AHRR: variants seen among roughly 807,000 people sequenced by gnomAD.
The protein encoded by AHRR is ahR repressor.
AHRR carries 28 observed loss-of-function variants against 44.0 expected under a neutral mutation model. The observed-to-expected ratio is 0.64, with a 90% confidence interval of 0.47 to 0.87. AHRR has a LOEUF of 0.87. AHRR is among the 40% of genes least tolerant of loss of function. The pLI is 0.00. For synonymous variants in AHRR, 434 were observed against 407.0 expected (o/e 1.07, Z -0.80); for missense variants, 990 against 953.9 (o/e 1.04, Z -0.50).
At chr5:397,679 A>ACG (rs1734795413) in intron 4 of AHRR, among the ~76,000 whole-genome samples, 1 of 119,624 alleles carries the variant, frequency 8.4e-6, no homozygotes, top group African/African-American at 3.8e-5. Context: ...CTGACCATCC[A>ACG]TGTAGCCCCT....
intron 2 of AHRR, among the ~76,000 whole-genome samples, chr5:350,947 T>C (rs1742838884): frequency 1.3e-5 from 2 of 151,422 alleles, no homozygotes; most frequent in South Asian, 4.1e-4. Flanking sequence ...GCAAAAGACT[T>C]GAATAGCCAT....
intron 5 of AHRR, among the ~76,000 whole-genome samples, chr5:422,167 T>C (rs746180620): frequency 1.3e-5 from 2 of 152,178 alleles, no homozygotes; most frequent in Non-Finnish European, 2.9e-5. Flanking sequence ...GCCCGCAGTG[T>C]CAGCCTCTGT....
intron 4 of AHRR, among the ~76,000 whole-genome samples, chr5:402,915 A>G (rs1735078056): frequency 2.0e-5 from 3 of 152,220 alleles, no homozygotes; most frequent in Non-Finnish European, 4.4e-5. Flanking sequence ...CCTGGAGGAC[A>G]TGGTGCTCAG....
At chr5:431,249 G>A (rs1026186235) in intron 8 of AHRR, among the ~76,000 whole-genome samples, 66 of 152,224 alleles carry the variant, frequency 4.3e-4, no homozygotes, top group African/African-American at 1.5e-3. Flanking sequence ...AGGTCACAGC[G>A]CTCCTCCTGC....
At chr5:376,504 T>G (rs1733654447) in intron 3 of AHRR, 106 bp from the exon 4 acceptor site, 15 of 1,190,218 alleles carry the variant, frequency 1.3e-5, no homozygotes, top group Admixed American at 2.6e-5. Flanking sequence ...AGATGTCAGG[T>G]GAGAACCGTG....
chr5:384,059 C>A (rs575347691), intron 4 of AHRR, among the ~76,000 whole-genome samples: 6 of 151,950 alleles, frequency 3.9e-5, no homozygotes, highest in South Asian at 4.2e-4. Flanking sequence ...TGTATGTTGA[C>A]CCTGTATGTA....
chr5:421,507 C>T lies in AHRR; in HGVS notation c.442-1222C>T, dbSNP rs993450556. 2.0e-5 allele frequency among the ~76,000 whole-genome samples: 3 copies of T among 152,230 alleles called. No homozygotes were observed. The East Asian group carries it at 5.8e-4, about 29-fold the overall frequency. ...GGTGTTTTCTTGAAGGTGACTCACC[C>T]AACGGTGTGTTCGTGATTGGGCGCA... On this transcript the variant is annotated intron_variant, in intron 5 of 10. Transcript: ENST00000684583.
At chr5:415,951 A>G (rs1326205195) in intron 5 of AHRR, among the ~76,000 whole-genome samples, 2 of 152,164 alleles carry the variant, frequency 1.3e-5, no homozygotes, top group Admixed American at 6.5e-5. Context: ...TCTAAGTTCA[A>G]TCTCCTGCCC....
intron 1 of AHRR, among the ~76,000 whole-genome samples, chr5:331,791 GA>G (rs1741921711): frequency 6.6e-6 from 1 of 152,032 alleles, no homozygotes; most frequent in Non-Finnish European, 1.5e-5. Flanking sequence ...CTGTGCTTAC[GA>G]AGGATCTAGG....
chr5:399,118 G>A (rs1424088561), intron 4 of AHRR, among the ~76,000 whole-genome samples: 1 of 152,212 alleles, frequency 6.6e-6, no homozygotes, highest in African/African-American at 2.4e-5. Context: ...GAGCTCCCTC[G>A]GGCTCTCCTG....
chr5:408,503 A>G (rs751815342), intron 4 of AHRR, among the ~76,000 whole-genome samples: 5 of 151,922 alleles, frequency 3.3e-5, no homozygotes, highest in Non-Finnish European at 5.9e-5. Flanking sequence ...ACTTCCTAAT[A>G]TTGAACTAGC....
At chr5:422,102 G>T (rs1323332636) in intron 5 of AHRR, among the ~76,000 whole-genome samples, 1 of 152,144 alleles carries the variant, frequency 6.6e-6, no homozygotes, top group African/African-American at 2.4e-5. Flanking sequence ...CTCAGGCGCC[G>T]ACACGCTCAC....
intron 4 of AHRR, among the ~76,000 whole-genome samples, chr5:391,369 TGCA>T (rs1734426003): frequency 9.6e-6 from 1 of 104,010 alleles, no homozygotes; most frequent in African/African-American, 5.7e-5. Flanking sequence ...GGCCAGAGCG[TGCA>T]TGGGCGCAGG....
rs1489566470 is a variant in AHRR at position 371,054 on chromosome 5, G to C, written c.245-5556G>C. ...AGAGCCGAGGTGTAGTTCAGTCCAA[G>C]CCCAGAGGCCTGAGGGCCAGGGGCG... On this transcript the variant is annotated intron_variant, in intron 3 of 10. Coordinates refer to ENST00000684583, the MANE Select transcript of AHRR (RefSeq NM_001377236.1). 2.6e-5 allele frequency among the ~76,000 whole-genome samples: 4 copies of C among 152,188 alleles called. No homozygotes were observed. The South Asian group carries it at 8.3e-4, about 32-fold the overall frequency.
At chr5:432,614 G>T (rs1004441272) in intron 9 of AHRR, 90 bp downstream of exon 9, 56 of 1,537,116 alleles carry the variant, frequency 3.6e-5, no homozygotes, top group South Asian at 2.8e-4. Flanking sequence ...GGAGATGTTG[G>T]CGTATTCCAT....
intron 8 of AHRR, chr5:432,056 CAT>C (rs199606064): frequency 0.014 from 3,295 of 239,390 alleles, 31 homozygotes; most frequent in Admixed American, 0.026. Context: ...GGTACACACA[CAT>C]GTCCCGTGTG....
intron 4 of AHRR, among the ~76,000 whole-genome samples, chr5:390,742 C>T (rs1734380809): frequency 6.6e-6 from 1 of 152,036 alleles, no homozygotes; most frequent in Non-Finnish European, 1.5e-5. Flanking sequence ...TGAGATTCCA[C>T]ACCCTCGTGG....
At chr5:431,103 A>G (rs1333637388) in intron 8 of AHRR, among the ~76,000 whole-genome samples, 1 of 152,144 alleles carries the variant, frequency 6.6e-6, no homozygotes, top group East Asian at 1.9e-4. Context: ...GGAGTTCCCA[A>G]CCCTAGAAGC....
At chr5:336,343 G>C (rs1742122488) in intron 1 of AHRR, among the ~76,000 whole-genome samples, 1 of 152,102 alleles carries the variant, frequency 6.6e-6, no homozygotes, top group Non-Finnish European at 1.5e-5. Flanking sequence ...TCACTTTCCT[G>C]CTGAACTCCC....
Sources: allele counts gnomAD v4.1 joint callset (sites outside exome capture counted in the v4.1 genomes callset), GRCh38; gene constraint gnomAD v4.1.1; transcripts MANE v1.5; gene names NCBI Gene and HGNC (gene_info 2026-07-23, HGNC 2026-07-21).